NLRP9: variants seen among roughly 807,000 people sequenced by gnomAD.
NLRP9 encodes the protein NLR family pyrin domain containing 9.
Under a neutral mutation model 83.1 loss-of-function variants are expected in NLRP9, and 88 were observed. The observed-to-expected ratio is 1.06, with a 90% confidence interval of 0.89 to 1.26. NLRP9 has a LOEUF of 1.26. Among genes scored for constraint, NLRP9 ranks in the 50% most tolerant of loss-of-function variants. The pLI, the probability that NLRP9 is intolerant of heterozygous loss-of-function variation, is 0.00. For missense variants in NLRP9, 1,308 were observed against 1,179.3 expected (o/e 1.11, Z -1.60); for synonymous variants, 521 against 447.6 (o/e 1.16, Z -2.07).
In NLRP9 at chr19:55,711,983, AAC is replaced by A. The variant is rs1255935830; in HGVS notation, c.2673-15_2673-14del. ...ACACGTTTGCAGCCTGCAAAAGGGA[AAC>A]ACACCAGAGAATCCACTCTAGCTTT... On this transcript the variant is annotated splice_polypyrimidine_tract_variant and intron_variant, in intron 7 of 8. Transcript: ENST00000332836. 2.5e-6 allele frequency: 4 copies of A among 1,610,514 alleles called. No individual in the cohort carries two copies. The highest frequency in any genetic ancestry group is 2.7e-5 in the African/African-American group (2 of 74,870).
chr19:55,709,060 TA>T lies in NLRP9; in HGVS notation c.2844-17del. On this transcript the variant is annotated splice_polypyrimidine_tract_variant and intron_variant, in intron 8 of 8. Coordinates refer to ENST00000332836, the MANE Select transcript of NLRP9 (RefSeq NM_176820.4). ...TTTGTGCAGCCTGGGAAAATAGAAATAAAGTTTTTTTTTTTGTTTTTCATTT... is the reference window on the plus strand; with the variant it reads ...TTTGTGCAGCCTGGGAAAATAGAAATAAGTTTTTTTTTTTGTTTTTCATTT... The T allele has an allele frequency of 6.5e-7, 1 of 1,549,674 alleles. No individual in the cohort carries two copies. Among genetic ancestry groups the T allele is most frequent in the Non-Finnish European group, 8.6e-7 (1 of 1,157,544 alleles).
intron 1 of NLRP9, among the ~76,000 whole-genome samples, chr19:55,734,187 T>C (rs1988707556): frequency 6.6e-6 from 1 of 151,670 alleles, no homozygotes; most frequent in South Asian, 2.1e-4. Flanking sequence ...CCTCCCAAAG[T>C]GCTGGGATTA....
At chr19:55,735,908 G>A (rs553842584) in intron 1 of NLRP9, among the ~76,000 whole-genome samples, 8 of 151,704 alleles carry the variant, frequency 5.3e-5, no homozygotes, top group African/African-American at 1.7e-4. Flanking sequence ...GGCTGGTCTC[G>A]AACTCCTGAC....
rs367640970 is a variant in NLRP9, at chr19:55,716,916, A to G, written c.2160-18T>C. 2.2e-5 allele frequency: 36 copies of G among 1,607,386 alleles called. No homozygotes were observed. Among genetic ancestry groups the G allele is most frequent in the Non-Finnish European group, 2.9e-5 (34 of 1,174,704 alleles). On this transcript the variant is annotated intron_variant, in intron 4 of 8. Coordinates refer to ENST00000332836, the MANE Select transcript of NLRP9 (RefSeq NM_176820.4). The stretch of plus-strand genomic sequence containing the variant: ...TTCCCAGTCTACATGTGAAACACAC[A>G]CCATGAGACGGACCAAAGCTTTCAA...
chr19:55,718,126 A>G (rs1988090251), intron 4 of NLRP9, among the ~76,000 whole-genome samples: 1 of 152,226 alleles, frequency 6.6e-6, no homozygotes, highest in Non-Finnish European at 1.5e-5. Context: ...TGCAGGCAGT[A>G]TACTTGGTAA....
chr19:55,724,138 A>G lies in NLRP9; in HGVS notation c.2001T>C (p.Thr667=), dbSNP rs1988326661. ...PVCKLRKLIF[T]SVYFGHDSEL... is the part of the protein sequence containing the mutation. ...CTGAATCATGTCCAAAGTACACAGA[A>G]GTAAATCTGCAAAAGATTAAAAAAA... Residue 667 remains threonine, a synonymous_variant, in exon 4 of 9, where the codon ACT becomes ACC. Transcript: ENST00000332836. The G allele has an allele frequency of 6.2e-7, 1 of 1,603,062 alleles. No homozygotes were observed. Among genetic ancestry groups the G allele is most frequent in the East Asian group, 2.2e-5 (1 of 44,802 alleles).
chr19:55,724,852 G>GT (rs1988351787), intron 3 of NLRP9, among the ~76,000 whole-genome samples: 1 of 152,156 alleles, frequency 6.6e-6, no homozygotes, highest in Admixed American at 6.6e-5. Flanking sequence ...GAGGTCAGGA[G>GT]TTTGAGACCA....
chr19:55,717,238 G>C (rs1988057987), intron 4 of NLRP9, among the ~76,000 whole-genome samples: 1 of 151,956 alleles, frequency 6.6e-6, no homozygotes, highest in Non-Finnish European at 1.5e-5. Context: ...TCACCATGTT[G>C]GCCAGGCTGG....
chr19:55,715,021 C>A (rs759620210), intron 6 of NLRP9, 34 bp downstream of exon 6: 24 of 1,575,100 alleles, frequency 1.5e-5, no homozygotes, highest in East Asian at 2.3e-5. Flanking sequence ...AAAAAAGAAA[C>A]CCTGACATTG....
intron 6 of NLRP9, 63 bp downstream of exon 6, chr19:55,714,991 TC>T: frequency 6.8e-7 from 1 of 1,464,274 alleles, no homozygotes; most frequent in Non-Finnish European, 9.3e-7. Flanking sequence ...CCTATGTCTT[TC>T]CTAGAGCCAC....
intron 2 of NLRP9, among the ~76,000 whole-genome samples, chr19:55,731,592 C>T (rs1042002856): frequency 6.6e-5 from 10 of 151,726 alleles, no homozygotes; most frequent in African/African-American, 2.2e-4. Context: ...GGCGTGGTGG[C>T]GGGCACCTGT....
rs376085426 is a variant in NLRP9, at chr19:55,736,785, G to A, written c.280+1310C>T. ...GGAGGCAGAAGTTGCAGTGAACCGA[G>A]ATCATGTCACTGCCCTCCAACCTGG... On this transcript the variant is annotated intron_variant, in intron 1 of 8. Transcript: ENST00000332836. Among the ~76,000 whole-genome samples, 30 of 151,738 alleles carry A rather than the reference G, an allele frequency of 2.0e-4. No homozygotes were observed. The South Asian group carries it at 6.3e-3, about 32-fold the overall frequency.
At chr19:55,711,344 A>G (rs1432166065) in intron 8 of NLRP9, 1 of 1,127,754 alleles carries the variant, frequency 8.9e-7, no homozygotes, top group South Asian at 2.1e-5. Flanking sequence ...GTACAACTCT[A>G]AAGGCAAACC....
chr19:55,714,726 A>C (rs142795884), intron 6 of NLRP9, among the ~76,000 whole-genome samples: 2 of 152,272 alleles, frequency 1.3e-5, no homozygotes, highest in East Asian at 3.9e-4. Flanking sequence ...GAAGTCCAAG[A>C]TCAAGATGCC....
rs1166625086 is a variant in NLRP9, at chr19:55,711,625, C to T, written c.2843+175G>A. On this transcript the variant is annotated intron_variant, in intron 8 of 8. Transcript: ENST00000332836. ...GAGAAAGGCCGAGAATGTTGCTTGA[C>T]ATCTTACAATGTCAATGGTTTTTAT... 3.4e-6 allele frequency: 3 copies of T among 878,314 alleles called. No homozygotes were observed. In the Admixed American group the frequency reaches 6.5e-5, roughly 19 times the overall value. The allele number at this position is 878,314 out of a possible 1,614,324, so 54.4% of individuals were successfully genotyped here.
At chr19:55,729,392 C>T (rs575283715) in intron 3 of NLRP9, among the ~76,000 whole-genome samples, 6 of 152,216 alleles carry the variant, frequency 3.9e-5, no homozygotes, top group Admixed American at 6.5e-5. Flanking sequence ...CCTCTCCCCC[C>T]ACCCCACAAC....
intron 1 of NLRP9, among the ~76,000 whole-genome samples, chr19:55,736,861 A>C (rs35349001): frequency 0.42 from 63,228 of 151,518 alleles, 13,478 homozygotes; most frequent in South Asian, 0.59. Flanking sequence ...ACAAAAAAAA[A>C]AACAAAAAAC....
At chr19:55,736,055 A>T (rs1257552658) in intron 1 of NLRP9, among the ~76,000 whole-genome samples, 1 of 152,086 alleles carries the variant, frequency 6.6e-6, no homozygotes, top group African/African-American at 2.4e-5. Context: ...TGCCCATAGT[A>T]AACATTTGCT....
chr19:55,716,260 T>TC (rs1474804767), intron 5 of NLRP9, among the ~76,000 whole-genome samples: 1 of 106,760 alleles, frequency 9.4e-6, no homozygotes, highest in East Asian at 3.1e-4. Flanking sequence ...AAATTTTCTT[T>TC]TTTTTTTTTT....
Sources: gnomAD v4.1 joint callset for allele counts (sites outside exome capture counted in the v4.1 genomes callset) on GRCh38, gnomAD v4.1.1 for gene constraint, MANE v1.5 for transcripts, NCBI Gene and HGNC (gene_info 2026-07-23, HGNC 2026-07-21) for gene names.